The following FLI1 variants were observed in gnomAD, a reference collection of about 807,000 sequenced individuals.
The protein encoded by FLI1 is Fli-1 proto-oncogene, ETS transcription factor.
A neutral mutation model predicts 53.1 loss-of-function variants in FLI1; 13 were observed. That is an observed-to-expected ratio of 0.24 (90% CI 0.16 to 0.39). FLI1 has a LOEUF of 0.39. Ranked by LOEUF, FLI1 falls within the 10% of genes least tolerant of loss-of-function variation. FLI1 has a pLI of 1.00. For missense variants in FLI1, 424 were observed against 600.5 expected, an observed-to-expected ratio of 0.71 and a Z score of 3.07; for synonymous variants, 244 against 236.7, an observed-to-expected ratio of 1.03 and a Z score of -0.28.
At chr11:128,790,283 AAGAGAGAGAGAGACAGAG>A (rs1342371605) in intron 5 of FLI1, among the ~76,000 whole-genome samples, 1 of 141,900 alleles carries the variant, frequency 7.0e-6, no homozygotes, top group African/African-American at 2.7e-5. Context: ...GAGAGAGATT[AAGAGAGAGAGAGACAGAG>A]AGAGAGAGAG....
chr11:128,731,896 C>T (rs78065336), intron 1 of FLI1, among the ~76,000 whole-genome samples: 5,995 of 151,720 alleles, frequency 0.04, 289 homozygotes, highest in East Asian at 0.27. Context: ...CCAGCCACTT[C>T]GGAGGCTGAG....
chr11:128,808,448 T>C (rs1942846217), intron 7 of FLI1, among the ~76,000 whole-genome samples: 1 of 152,196 alleles, frequency 6.6e-6, no homozygotes, highest in Non-Finnish European at 1.5e-5. Context: ...CATGGCTAAA[T>C]AAACACATAC....
intron 1 of FLI1, among the ~76,000 whole-genome samples, chr11:128,738,259 G>A (rs926319146): frequency 1.3e-5 from 2 of 152,092 alleles, no homozygotes; most frequent in African/African-American, 4.8e-5. Context: ...TGGACCTCTG[G>A]CTCCATGCTG....
rs34130629 is a variant in FLI1, at chr11:128,790,253, A to ATTTTT, written c.655+8239_655+8243dup. Among the ~76,000 whole-genome samples the ATTTTT allele has an allele frequency of 1.4e-3, 194 of 141,308 alleles. 3 individuals are homozygous for ATTTTT. Among genetic ancestry groups the ATTTTT allele is most frequent in the African/African-American group, 4.9e-3 (185 of 38,008 alleles). 92.7% of individuals were successfully genotyped at this position (141,308 alleles called of 152,430 possible). ...TATCTGACCCTCTTCGGAGAGTTGCATTTTTTTTTTTTTCCACGAGAGAGA... is the reference window on the plus strand; with the variant it reads ...TATCTGACCCTCTTCGGAGAGTTGCATTTTTTTTTTTTTTTTTTCCACGAGAGAGA... On this transcript the variant is annotated intron_variant, in intron 5 of 8. Transcript: ENST00000527786.
intron 1 of FLI1, among the ~76,000 whole-genome samples, chr11:128,719,791 A>G (rs1391775959): frequency 1.3e-5 from 2 of 152,178 alleles, no homozygotes; most frequent in Non-Finnish European, 2.9e-5. Flanking sequence ...CAGGGCAAGG[A>G]AAAAGGGAGG....
intron 1 of FLI1, among the ~76,000 whole-genome samples, chr11:128,741,008 C>G (rs76538850): frequency 6.6e-6 from 1 of 152,136 alleles, no homozygotes; most frequent in Non-Finnish European, 1.5e-5. Context: ...CACGTTGGCA[C>G]GCCAGCATCC....
At chr11:128,775,875 G>A (rs574810830) in intron 4 of FLI1, among the ~76,000 whole-genome samples, 5 of 152,326 alleles carry the variant, frequency 3.3e-5, no homozygotes, top group Admixed American at 1.3e-4. Context: ...TCCGGTGGAG[G>A]AAGTACTGCA....
chr11:128,726,445 A>G (rs2077307511), intron 1 of FLI1, among the ~76,000 whole-genome samples: 1 of 152,016 alleles, frequency 6.6e-6, no homozygotes, highest in Non-Finnish European at 1.5e-5. Flanking sequence ...GGACAGAGGA[A>G]ATCCTCAGGT....
chr11:128,774,380 G>A (rs545439037), intron 4 of FLI1, among the ~76,000 whole-genome samples: 24 of 152,278 alleles, frequency 1.6e-4, no homozygotes, highest in Non-Finnish European at 2.9e-4. Flanking sequence ...TTTCAAAAAA[G>A]GGGACAATTT....
At chr11:128,721,258 A>G (rs1939239294) in intron 1 of FLI1, among the ~76,000 whole-genome samples, 1 of 152,162 alleles carries the variant, frequency 6.6e-6, no homozygotes, top group African/African-American at 2.4e-5. Context: ...CCACTCAATC[A>G]TTCATTCATT....
intron 1 of FLI1, among the ~76,000 whole-genome samples, chr11:128,710,763 C>A (rs533828019): frequency 5.9e-5 from 9 of 152,344 alleles, no homozygotes; most frequent in African/African-American, 1.4e-4. Context: ...AATATAATCT[C>A]TTCAGCTACT....
In FLI1 at chr11:128,811,715, A is replaced by G; in HGVS notation, c.*727A>G. 5.0e-6 allele frequency: 1 copy of G among 201,086 alleles called. No homozygotes were observed. The highest frequency in any genetic ancestry group is 2.3e-5 in the African/African-American group (1 of 43,202). The allele number at this position is 201,086 out of a possible 1,614,324, so 12.5% of individuals were successfully genotyped here. A position where few individuals can be genotyped will look rare whatever the true frequency, so the allele number is the denominator to read the frequency against. ...AATTTTTTTTTTTTTTTAAATGATG[A>G]CAGTGGTCCCAGAACTTGGAAAAGT... On this transcript the variant is annotated 3_prime_UTR_variant, in exon 9 of 9. Transcript: ENST00000527786.
chr11:128,779,140 T>A (rs1228614841), intron 4 of FLI1, among the ~76,000 whole-genome samples: 2 of 152,248 alleles, frequency 1.3e-5, no homozygotes, highest in Admixed American at 1.3e-4. Context: ...TCCTGTGGAA[T>A]TCATGTGTGC....
At chr11:128,809,488 G>A (rs982494532) in intron 8 of FLI1, among the ~76,000 whole-genome samples, 7 of 152,180 alleles carry the variant, frequency 4.6e-5, no homozygotes, top group South Asian at 4.1e-4. Context: ...GTAGGTAGGC[G>A]TTTCAATCAG....
At chr11:128,764,920 C>T (rs1365363611) in intron 2 of FLI1, 5 of 1,310,286 alleles carry the variant, frequency 3.8e-6, no homozygotes, top group Non-Finnish European at 4.2e-6. Context: ...CCTAAGGACA[C>T]CCGCCTGCAG....
chr11:128,798,341 C>A (rs1316438508), intron 5 of FLI1, among the ~76,000 whole-genome samples: 1 of 152,132 alleles, frequency 6.6e-6, no homozygotes, highest in Non-Finnish European at 1.5e-5. Context: ...ATCTGTGTCA[C>A]TTAGACACAG....
intron 5 of FLI1, chr11:128,803,831 A>G (rs1942701462): frequency 6.6e-6 from 1 of 152,142 alleles, no homozygotes; most frequent in Admixed American, 6.5e-5. Context: ...AGAGCCTTCC[A>G]CCTCATTCCA....
chr11:128,759,615 G>GAAAGAATCAAAGA (rs1167996178), intron 2 of FLI1, among the ~76,000 whole-genome samples: 1 of 152,228 alleles, frequency 6.6e-6, no homozygotes, highest in East Asian at 1.9e-4. Flanking sequence ...TGCATGACAG[G>GAAAGAATCAAAGA]AAAGAATCAA....
intron 5 of FLI1, among the ~76,000 whole-genome samples, chr11:128,801,238 C>G (rs989116612): frequency 6.6e-6 from 1 of 152,168 alleles, no homozygotes; most frequent in African/African-American, 2.4e-5. Flanking sequence ...GACGGAGAGT[C>G]GGGGCAGGAG....
Sources: allele counts gnomAD v4.1 joint callset (sites outside exome capture counted in the v4.1 genomes callset), GRCh38; gene constraint gnomAD v4.1.1; transcripts MANE v1.5; gene names NCBI Gene and HGNC (gene_info 2026-07-23, HGNC 2026-07-21).